The following FSTL4 variants were observed in gnomAD, a reference collection of about 807,000 sequenced individuals.
FSTL4 encodes follistatin like 4.
A neutral mutation model predicts 78.2 loss-of-function variants in FSTL4; 28 were observed. The ratio of observed to expected loss-of-function variants is 0.36; its 90% confidence interval spans 0.27 to 0.49. FSTL4 has a LOEUF of 0.49. FSTL4 is among the 20% of genes least tolerant of loss of function. The pLI is 0.98. For missense variants in FSTL4, 922 were observed against 1,084.9 expected, an observed-to-expected ratio of 0.85 and a Z score of 2.11; for synonymous variants, 422 against 440.5, an observed-to-expected ratio of 0.96 and a Z score of 0.53.
At chr5:133,415,678 C>G (rs1756566662) in intron 3 of FSTL4, among the ~76,000 whole-genome samples, 1 of 152,174 alleles carries the variant, frequency 6.6e-6, no homozygotes, top group Non-Finnish European at 1.5e-5. Context: ...CCGGTAGCAG[C>G]TGAGGCAGGT....
At chr5:133,627,425 A>G in the FSTL4 span, among the ~76,000 whole-genome samples, 1 of 152,142 alleles carries the variant, frequency 6.6e-6, no homozygotes. Context: ...TAAGAACAGT[A>G]TGGGGGAGAT....
chr5:133,299,408 A>G (rs775762952), intron 6 of FSTL4, among the ~76,000 whole-genome samples: 1 of 151,918 alleles, frequency 6.6e-6, no homozygotes, highest in Non-Finnish European at 1.5e-5. Flanking sequence ...AGTTTCCCCC[A>G]CCCTGTGCTG....
chr5:133,387,221 A>T (rs1755720764), intron 4 of FSTL4, among the ~76,000 whole-genome samples: 1 of 152,094 alleles, frequency 6.6e-6, no homozygotes. Context: ...TAATCATGGG[A>T]GTGGCCACTG....
At chr5:133,574,894 T>G (rs1314488441) in intron 2 of FSTL4, 1 of 152,176 alleles carries the variant, frequency 6.6e-6, no homozygotes, top group African/African-American at 2.4e-5. Context: ...TGATGACAGA[T>G]GAGTAGTAAC....
the FSTL4 span, among the ~76,000 whole-genome samples, chr5:133,786,504 C>A: frequency 1.4e-5 from 2 of 143,906 alleles, no homozygotes; most frequent in African/African-American, 5.2e-5. Flanking sequence ...ATATAAGCTG[C>A]AGTTGTGGAT....
At chr5:133,247,141 TG>T (rs1204109740) in intron 7 of FSTL4, 4 of 152,224 alleles carry the variant, frequency 2.6e-5, no homozygotes, top group Non-Finnish European at 5.9e-5. Flanking sequence ...GGTGCTGCCC[TG>T]CTCCCTCGTG....
the FSTL4 span, among the ~76,000 whole-genome samples, chr5:133,813,402 T>C: frequency 2.6e-5 from 4 of 152,232 alleles, no homozygotes; most frequent in South Asian, 6.2e-4. Flanking sequence ...CACCCAAGTG[T>C]ACTTTATACA....
At chr5:133,379,968 G>A (rs113415929) in intron 4 of FSTL4, among the ~76,000 whole-genome samples, 9 of 152,138 alleles carry the variant, frequency 5.9e-5, no homozygotes, top group East Asian at 1.9e-4. Flanking sequence ...TCAGCTACTC[G>A]GGAGGCTGAG....
At chr5:133,385,640 C>G (rs937385704) in intron 4 of FSTL4, among the ~76,000 whole-genome samples, 2 of 152,210 alleles carry the variant, frequency 1.3e-5, no homozygotes, top group African/African-American at 4.8e-5. Context: ...TAGTCCCCGG[C>G]TTTTTGCTAA....
At chr5:133,814,481 G>A in the FSTL4 span, among the ~76,000 whole-genome samples, 2 of 152,298 alleles carry the variant, frequency 1.3e-5, no homozygotes, top group South Asian at 2.1e-4. Flanking sequence ...CAGCCCGGGA[G>A]CTAGGTCACA....
the FSTL4 span, among the ~76,000 whole-genome samples, chr5:133,716,771 A>G: frequency 2.0e-5 from 3 of 152,254 alleles, no homozygotes; most frequent in African/African-American, 7.2e-5. Flanking sequence ...TGAGCAAAAC[A>G]ATAGTCTCTT....
chr5:133,205,184 T>TTTTA (rs1750456748), intron 14 of FSTL4, among the ~76,000 whole-genome samples: 1 of 152,256 alleles, frequency 6.6e-6, no homozygotes, highest in Admixed American at 6.5e-5. Flanking sequence ...TGTTTAGGCT[T>TTTTA]TTTATTAAGA....
At position 133,475,201 on chromosome 5, in the gene FSTL4, G is replaced by A. The variant is rs138355822; in HGVS notation, c.161-74215C>T. 1.9e-3 allele frequency among the ~76,000 whole-genome samples: 287 copies of A among 152,186 alleles called. 2 individuals carry two copies. The highest frequency in any genetic ancestry group is 6.2e-3 in the African/African-American group (258 of 41,530). Reference sequence around the variant, plus strand: ...GCTCCTGTTCCCGAGAATTTGCTCCGTCCTGACAAAAACCGCATCAATTTT... The same window carrying A: ...GCTCCTGTTCCCGAGAATTTGCTCCATCCTGACAAAAACCGCATCAATTTT... On this transcript the variant is annotated intron_variant, in intron 3 of 15. Coordinates refer to ENST00000265342, the MANE Select transcript of FSTL4 (RefSeq NM_015082.2).
At chr5:133,359,704 A>G (rs571805261) in intron 4 of FSTL4, among the ~76,000 whole-genome samples, 1 of 152,324 alleles carries the variant, frequency 6.6e-6, no homozygotes, top group Admixed American at 6.5e-5. Context: ...AAAGATTTAG[A>G]GTACACTTGA....
At chr5:133,602,377 G>A (rs1760888672) in intron 2 of FSTL4, among the ~76,000 whole-genome samples, 1 of 152,148 alleles carries the variant, frequency 6.6e-6, no homozygotes, top group Non-Finnish European at 1.5e-5. Flanking sequence ...AAGAGGCCCT[G>A]GGTTGATATT....
At chr5:133,701,781 T>C in the FSTL4 span, among the ~76,000 whole-genome samples, 1 of 152,068 alleles carries the variant, frequency 6.6e-6, no homozygotes, top group African/African-American at 2.4e-5. Context: ...TTGCGTGTTT[T>C]CCCCAATAAA....
the FSTL4 span, among the ~76,000 whole-genome samples, chr5:133,813,121 GCCTCCTGTCCAATGGAGGAGAGT>G: frequency 4.9e-3 from 744 of 152,170 alleles, 9 homozygotes; most frequent in African/African-American, 0.017. Context: ...GAAGTCAGCA[GCCTCCTGTCCAATGGAGGAGAGT>G]CCACTCTCCT....
intron 3 of FSTL4, among the ~76,000 whole-genome samples, chr5:133,406,603 A>G (rs73280149): frequency 0.033 from 4,965 of 152,282 alleles, 199 homozygotes; most frequent in African/African-American, 0.097. Flanking sequence ...TCCACCCTGT[A>G]ACGCCTCATT....
the FSTL4 span, among the ~76,000 whole-genome samples, chr5:133,838,715 C>A: frequency 6.6e-6 from 1 of 152,136 alleles, no homozygotes; most frequent in Non-Finnish European, 1.5e-5. Flanking sequence ...AAGCATGTAT[C>A]CCAGGGGAGA....
Sources: allele counts gnomAD v4.1 joint callset (sites outside exome capture counted in the v4.1 genomes callset), GRCh38; gene constraint gnomAD v4.1.1; transcripts MANE v1.5; gene names NCBI Gene and HGNC (gene_info 2026-07-23, HGNC 2026-07-21).